Variants in DYNC1I1 observed in about 807,000 individuals in gnomAD.
The protein encoded by DYNC1I1 is cytoplasmic dynein 1 intermediate chain 1.
In DYNC1I1, 43 loss-of-function variants were observed where a neutral mutation model predicts 86.6. That is an observed-to-expected ratio of 0.50 (90% CI 0.39 to 0.64). The LOEUF is 0.64. Ranked by LOEUF, DYNC1I1 falls within the 30% of genes least tolerant of loss-of-function variation. DYNC1I1 has a pLI of 0.00. For missense variants in DYNC1I1, 604 were observed against 788.8 expected (o/e 0.77, Z 2.81); for synonymous variants, 262 against 283.7 (o/e 0.92, Z 0.77).
intron 14 of DYNC1I1, among the ~76,000 whole-genome samples, chr7:96,068,390 A>C (rs1195913665): frequency 1.3e-5 from 2 of 152,240 alleles, no homozygotes; most frequent in African/African-American, 4.8e-5. Flanking sequence ...CATATTAAAT[A>C]TAATGTAAAA....
intron 5 of DYNC1I1, among the ~76,000 whole-genome samples, chr7:95,848,208 G>GTTT (rs55696943): frequency 1.4e-5 from 2 of 138,788 alleles, no homozygotes. Flanking sequence ...ACTTACAGTT[G>GTTT]TTTTTTTTTT....
intron 14 of DYNC1I1, among the ~76,000 whole-genome samples, chr7:96,054,291 C>T (rs553905212): frequency 3.3e-5 from 5 of 152,344 alleles, no homozygotes; most frequent in African/African-American, 9.6e-5. Context: ...CCAGCTTCAT[C>T]CATGTCCCTG....
At chr7:96,109,045 A>G (rs1273447549) in intron 16 of DYNC1I1, among the ~76,000 whole-genome samples, 1 of 151,896 alleles carries the variant, frequency 6.6e-6, no homozygotes, top group African/African-American at 2.4e-5. Flanking sequence ...TCTTATCATC[A>G]CTTTACAATC....
At chr7:95,776,295 G>C (rs1793838385) in intron 1 of DYNC1I1, among the ~76,000 whole-genome samples, 1 of 152,170 alleles carries the variant, frequency 6.6e-6, no homozygotes, top group East Asian at 1.9e-4. Context: ...CAGAATCTCA[G>C]AGTGAAGTTT....
At chr7:95,870,181 C>T (rs1173608109) in intron 6 of DYNC1I1, among the ~76,000 whole-genome samples, 183 bp downstream of exon 6, 4 of 152,158 alleles carry the variant, frequency 2.6e-5, no homozygotes, top group Non-Finnish European at 5.9e-5. Flanking sequence ...TGATACTCTT[C>T]CAAGTGACCT....
intron 16 of DYNC1I1, among the ~76,000 whole-genome samples, chr7:96,081,928 C>A (rs985738946): frequency 2.6e-4 from 39 of 151,474 alleles, no homozygotes; most frequent in African/African-American, 2.4e-5. Context: ...AAAAAAAAAT[C>A]TCTTGCTTTT....
chr7:95,956,358 A>G (rs969744761), intron 6 of DYNC1I1, among the ~76,000 whole-genome samples: 1 of 150,948 alleles, frequency 6.6e-6, no homozygotes, highest in Admixed American at 6.6e-5. Flanking sequence ...ACAGGTGCTC[A>G]ATAAGACCCT....
Position 95,810,367 on chromosome 7 carries a change from T to C in DYNC1I1, c.109-25T>C, listed in dbSNP as rs577002460. 5.7e-5 allele frequency: 90 copies of C among 1,576,930 alleles called. 1 individual carries two copies. In the South Asian group the frequency reaches 9.8e-4, roughly 17 times the overall value. ...GCATACATTTAGTTATGTTATTAAC[T>C]TTTCTTACTGACGTCTACTTCTAGG... On this transcript the variant is annotated intron_variant, in intron 2 of 16. Transcript: ENST00000447467.
chr7:95,891,994 T>C (rs1350667714), intron 6 of DYNC1I1, among the ~76,000 whole-genome samples: 1 of 152,056 alleles, frequency 6.6e-6, no homozygotes, highest in East Asian at 1.9e-4. Flanking sequence ...TTGAGACAGA[T>C]TGTTGCTCTT....
At chr7:95,842,180 G>A (rs538072054) in intron 5 of DYNC1I1, among the ~76,000 whole-genome samples, 4 of 152,264 alleles carry the variant, frequency 2.6e-5, no homozygotes, top group South Asian at 2.1e-4. Context: ...TGTTGCACCC[G>A]AGCGAGTTAG....
intron 16 of DYNC1I1, among the ~76,000 whole-genome samples, chr7:96,108,902 A>T (rs1791262651): frequency 6.6e-6 from 1 of 151,474 alleles, no homozygotes; most frequent in Non-Finnish European, 1.5e-5. Context: ...GAATTCAAGT[A>T]GTTAAATACA....
chr7:96,074,456 T>C (rs1015567696), intron 14 of DYNC1I1, among the ~76,000 whole-genome samples: 28 of 144,166 alleles, frequency 1.9e-4, no homozygotes, highest in Non-Finnish European at 3.0e-4. Flanking sequence ...GAGGCTGAGG[T>C]AGGAGAATGG....
At chr7:95,992,846 C>G (rs1348434781) in intron 9 of DYNC1I1, among the ~76,000 whole-genome samples, 1 of 152,152 alleles carries the variant, frequency 6.6e-6, no homozygotes, top group East Asian at 1.9e-4. Flanking sequence ...AACTCCTGAC[C>G]TCAAGTGATC....
intron 6 of DYNC1I1, among the ~76,000 whole-genome samples, chr7:95,875,206 A>T (rs1790278141): frequency 6.6e-6 from 1 of 152,174 alleles, no homozygotes; most frequent in African/African-American, 2.4e-5. Context: ...CTTTTAGAAC[A>T]ATGGGTGTTT....
intron 10 of DYNC1I1, among the ~76,000 whole-genome samples, chr7:95,996,447 C>A (rs1398530613): frequency 6.6e-6 from 1 of 152,202 alleles, no homozygotes; most frequent in African/African-American, 2.4e-5. Flanking sequence ...CTCCTACTCT[C>A]TTGGAAATGC....
rs971548474 is a variant in DYNC1I1, at chr7:96,048,592, A to C, written c.1509+9171A>C. ...AGATGTTGCTAAAATATAAAGAGCC[A>C]TGCCCTAAACCACCGTAAAGTTCTA... is the stretch of plus-strand genomic sequence containing the variant. On this transcript the variant is annotated intron_variant, in intron 14 of 16. Coordinates refer to ENST00000447467, the MANE Select transcript of DYNC1I1 (RefSeq NM_001135556.2). 2.6e-5 allele frequency among the ~76,000 whole-genome samples: 4 copies of C among 152,170 alleles called. 1 individual carries two copies. The South Asian group carries it at 8.3e-4, about 32-fold the overall frequency.
intron 10 of DYNC1I1, among the ~76,000 whole-genome samples, chr7:96,014,226 CCTTAA>C (rs370019628): frequency 1.7e-3 from 263 of 152,272 alleles, no homozygotes; most frequent in Non-Finnish European, 2.5e-3. Context: ...AGGCAGTGGC[CCTTAA>C]CTTAATTGAA....
chr7:96,104,399 A>G (rs1482651041), intron 16 of DYNC1I1, among the ~76,000 whole-genome samples: 1 of 151,984 alleles, frequency 6.6e-6, no homozygotes, highest in Non-Finnish European at 1.5e-5. Context: ...ATCCATTTTT[A>G]TGTTTTATAC....
In DYNC1I1 at chr7:95,852,434, T is replaced by A. The variant is rs531726951; in HGVS notation, c.375-17449T>A. On this transcript the variant is annotated intron_variant, in intron 5 of 16. Transcript: ENST00000447467. ...CAGCTAAAAGTTTGTCAATTTTATC[T>A]TTTCAAAAACATTAATTCTTCATCA... 4.6e-5 allele frequency among the ~76,000 whole-genome samples: 7 copies of A among 152,174 alleles called. No individual in the cohort carries two copies. The East Asian group carries it at 1.3e-3, about 29-fold the overall frequency.
Sources: allele counts gnomAD v4.1 joint callset (sites outside exome capture counted in the v4.1 genomes callset), GRCh38; gene constraint gnomAD v4.1.1; transcripts MANE v1.5; gene names NCBI Gene and HGNC (gene_info 2026-07-23, HGNC 2026-07-21).